The following GNAT3 variants were observed in gnomAD, a reference collection of about 807,000 sequenced individuals.
The protein encoded by GNAT3 is guanine nucleotide-binding protein G(t) subunit alpha-3.
GNAT3 carries 31 observed loss-of-function variants against 37.7 expected under a neutral mutation model. The ratio of observed to expected loss-of-function variants is 0.82; its 90% confidence interval spans 0.62 to 1.11. The LOEUF (loss-of-function observed/expected upper bound fraction) is 1.11, where lower values mean the gene tolerates loss of function less well. GNAT3 is among the 50% of genes most tolerant of loss of function. GNAT3 has a pLI of 0.00. For synonymous variants in GNAT3, 138 were observed against 139.8 expected, an observed-to-expected ratio of 0.99 and a Z score of 0.09; for missense variants, 437 against 412.5, an observed-to-expected ratio of 1.06 and a Z score of -0.51.
chr7:80,495,548 C>T (rs1047158409), intron 1 of GNAT3, among the ~76,000 whole-genome samples: 2 of 152,004 alleles, frequency 1.3e-5, no homozygotes, highest in East Asian at 1.9e-4. Context: ...CAGCTCACTG[C>T]GACCTCCACC....
intron 7 of GNAT3, among the ~76,000 whole-genome samples, chr7:80,461,547 T>C (rs1790050847): frequency 6.6e-6 from 1 of 151,904 alleles, no homozygotes; most frequent in African/African-American, 2.4e-5. Context: ...ATTTTTCTTA[T>C]GTAATTTTAT....
At chr7:80,496,723 G>A (rs1790723763) in intron 1 of GNAT3, among the ~76,000 whole-genome samples, 1 of 152,152 alleles carries the variant, frequency 6.6e-6, no homozygotes, top group Non-Finnish European at 1.5e-5. Flanking sequence ...TCAGAAATGA[G>A]ATTTTGTCCT....
chr7:80,508,422 T>C (rs1441065497), intron 1 of GNAT3, among the ~76,000 whole-genome samples: 1 of 152,026 alleles, frequency 6.6e-6, no homozygotes, highest in African/African-American at 2.4e-5. Context: ...AAAAGTACCA[T>C]TGAATGAAAC....
At chr7:80,497,493 G>T (rs571184165) in intron 1 of GNAT3, among the ~76,000 whole-genome samples, 165 of 151,106 alleles carry the variant, frequency 1.1e-3, no homozygotes, top group African/African-American at 3.9e-3. Context: ...GCATCATCCT[G>T]TACAAATGAC....
At chr7:80,475,226 T>C (rs976767199) in intron 4 of GNAT3, among the ~76,000 whole-genome samples, 2 of 151,910 alleles carry the variant, frequency 1.3e-5, no homozygotes, top group Non-Finnish European at 2.9e-5. Flanking sequence ...TTTTTTCCCC[T>C]CACAGGATCT....
intron 4 of GNAT3, 123 bp from the exon 5 acceptor site, chr7:80,474,502 C>A (rs543676710): frequency 2.8e-4 from 107 of 375,916 alleles, no homozygotes; most frequent in Non-Finnish European, 4.4e-4. Context: ...TTTAACTTTG[C>A]GTTTGAAGAA....
intron 5 of GNAT3, among the ~76,000 whole-genome samples, chr7:80,470,518 G>T (rs990664130): frequency 6.6e-6 from 1 of 152,240 alleles, no homozygotes; most frequent in Non-Finnish European, 1.5e-5. Flanking sequence ...ACCACGCCCA[G>T]CCAAGAGAAT....
At chr7:80,501,163 G>T (rs1205999189) in intron 1 of GNAT3, among the ~76,000 whole-genome samples, 1 of 151,574 alleles carries the variant, frequency 6.6e-6, no homozygotes, top group African/African-American at 2.4e-5. Context: ...ATTTTCTTTT[G>T]CCAAAAAAAC....
chr7:80,511,489 A>G (rs985347817), intron 1 of GNAT3, among the ~76,000 whole-genome samples: 2 of 152,112 alleles, frequency 1.3e-5, no homozygotes, highest in Non-Finnish European at 2.9e-5. Flanking sequence ...TAAAAAGCTG[A>G]CATTCAGAAA....
chr7:80,460,363 G>T (rs1457725706), intron 7 of GNAT3, among the ~76,000 whole-genome samples: 3 of 152,170 alleles, frequency 2.0e-5, no homozygotes, highest in African/African-American at 7.2e-5. Flanking sequence ...TTTTAAGGCA[G>T]CGAAGCTGTT....
intron 5 of GNAT3, among the ~76,000 whole-genome samples, chr7:80,468,914 C>G (rs1790165453): frequency 6.6e-6 from 1 of 152,054 alleles, no homozygotes; most frequent in African/African-American, 2.4e-5. Context: ...AAAGCCATCA[C>G]AATAAATTCT....
At chr7:80,495,395 T>G (rs1275572601) in intron 1 of GNAT3, among the ~76,000 whole-genome samples, 1 of 152,050 alleles carries the variant, frequency 6.6e-6, no homozygotes, top group Non-Finnish European at 1.5e-5. Context: ...GTATCTGTTG[T>G]TTTTTGACTT....
At chr7:80,509,732 T>A (rs930449105) in intron 1 of GNAT3, among the ~76,000 whole-genome samples, 5 of 152,034 alleles carry the variant, frequency 3.3e-5, no homozygotes, top group South Asian at 2.1e-4. Context: ...GTTCCAAATT[T>A]AAAAAAAATC....
chr7:80,489,366 A>G (rs974559177), intron 2 of GNAT3, among the ~76,000 whole-genome samples: 1 of 152,080 alleles, frequency 6.6e-6, no homozygotes, highest in Non-Finnish European at 1.5e-5. Flanking sequence ...AAATCGTTAG[A>G]TATGCCAGTT....
At chr7:80,486,802 G>A (rs560646690) in intron 3 of GNAT3, among the ~76,000 whole-genome samples, 19 of 151,882 alleles carry the variant, frequency 1.3e-4, no homozygotes, top group South Asian at 2.1e-4. Context: ...TGATCAGAGC[G>A]TCACTGTTTC....
intron 1 of GNAT3, among the ~76,000 whole-genome samples, chr7:80,497,655 T>TGC (rs1790756279): frequency 8.8e-6 from 1 of 113,240 alleles, no homozygotes; most frequent in Non-Finnish European, 1.7e-5. Context: ...TATACGTATA[T>TGC]ACATATACGT....
intron 3 of GNAT3, among the ~76,000 whole-genome samples, chr7:80,486,913 T>C (rs1477580855): frequency 6.6e-6 from 1 of 152,122 alleles, no homozygotes; most frequent in African/African-American, 2.4e-5. Flanking sequence ...TGGAATACCG[T>C]ATTGCATCTA....
chr7:80,489,940 C>A (rs761493616), intron 2 of GNAT3, among the ~76,000 whole-genome samples: 1 of 152,040 alleles, frequency 6.6e-6, no homozygotes, highest in Non-Finnish European at 1.5e-5. Flanking sequence ...GATGAAGAAA[C>A]ATTTATCACA....
intron 1 of GNAT3, among the ~76,000 whole-genome samples, chr7:80,509,062 G>A (rs1192776555): frequency 2.0e-5 from 3 of 151,998 alleles, no homozygotes; most frequent in African/African-American, 7.2e-5. Context: ...TGAGAACATC[G>A]TTTCAATGAT....
Sources: allele counts gnomAD v4.1 joint callset (sites outside exome capture counted in the v4.1 genomes callset), GRCh38; gene constraint gnomAD v4.1.1; transcripts MANE v1.5; gene names NCBI Gene and HGNC (gene_info 2026-07-23, HGNC 2026-07-21).